TNS4: variants seen among roughly 807,000 people sequenced by gnomAD.
TNS4 encodes the protein tensin 4, also known as tensin-4.
TNS4 carries 46 observed loss-of-function variants against 70.4 expected under a neutral mutation model. The observed-to-expected ratio is 0.65, with a 90% CI of 0.52 to 0.84. TNS4 has a LOEUF of 0.84. TNS4 is among the 40% of genes least tolerant of loss of function. The pLI is 0.00. For synonymous variants in TNS4, 390 were observed against 366.6 expected (o/e 1.06, Z -0.73); for missense variants, 863 against 907.0 (o/e 0.95, Z 0.62).
intron 12 of TNS4, 77 bp from the exon 13 acceptor site, chr17:40,477,806 GC>G: frequency 7.2e-7 from 1 of 1,387,156 alleles, no homozygotes; most frequent in Non-Finnish European, 1.0e-6. Flanking sequence ...GTGGTGGGGG[GC>G]CCTCAGCCTG....
chr17:40,492,478 C>T (rs906061793), intron 2 of TNS4, among the ~76,000 whole-genome samples: 1 of 152,010 alleles, frequency 6.6e-6, no homozygotes. Context: ...AAGTGATTCT[C>T]CCACCTCAGC....
intron 10 of TNS4, 139 bp from the exon 11 acceptor site, chr17:40,478,787 G>T: frequency 1.1e-6 from 1 of 915,540 alleles, no homozygotes; most frequent in Non-Finnish European, 1.7e-6. Context: ...AGACCGCTAT[G>T]GCCTTTCCCA....
chr17:40,488,933 C>T lies in TNS4; in HGVS notation c.476G>A (p.Arg159Lys), dbSNP rs564999260. The T allele has an allele frequency of 6.3e-7, 1 of 1,595,500 alleles. No individual in the cohort carries two copies. Among genetic ancestry groups the T allele is most frequent in the East Asian group, 2.2e-5 (1 of 44,742 alleles). The stretch of plus-strand genomic sequence containing the variant: ...GCAGTGCTGGGGGCCATCGTGGCAC[C>T]TTGATCTGGCGGAGGTCACCTCGAT... ...KYIEVTSARS[R>K]CHDGPQHCSS... Residue 159 changes from arginine to lysine, a missense_variant, in exon 3 of 13, where the codon AGG (arginine) becomes AAG (lysine). Transcript: ENST00000254051.
Position 40,475,916 on chromosome 17 carries a change from A to G in TNS4, c.*1672T>C, listed in dbSNP as rs2035840887. On this transcript the variant is annotated 3_prime_UTR_variant, in exon 13 of 13. Coordinates refer to ENST00000254051, the MANE Select transcript of TNS4 (RefSeq NM_032865.6). ...GGCCTCTGCCAGCCCCCAGGCTGGGACTGGGGCCTGTGACCTTGAGAACCT... is the reference window on the plus strand; with the variant it reads ...GGCCTCTGCCAGCCCCCAGGCTGGGGCTGGGGCCTGTGACCTTGAGAACCT... 6.6e-6 allele frequency: 1 copy of G among 152,238 alleles called. No individual in the cohort carries two copies. The highest frequency in any genetic ancestry group is 1.5e-5 in the Non-Finnish European group (1 of 68,062). The allele number at this position is 152,238 out of a possible 1,614,324, so 9.4% of individuals were successfully genotyped here.
chr17:40,478,653 G>C lies in TNS4; in HGVS notation c.1911-5C>G, dbSNP rs2035881695. ...TAATGGCGCCGGAAAAACACCCTAG[G>C]AGGAGGCGGGGAGAGAAGGGAAGCG... On this transcript the variant is annotated splice_region_variant and splice_polypyrimidine_tract_variant and intron_variant, in intron 10 of 12. Coordinates refer to ENST00000254051, the MANE Select transcript of TNS4 (RefSeq NM_032865.6). 2 of 1,613,872 alleles carry C rather than the reference G, an allele frequency of 1.2e-6. No homozygotes were observed. The highest frequency in any genetic ancestry group is 1.7e-5 in the Admixed American group (1 of 59,994).
intron 3 of TNS4, 125 bp from the exon 4 acceptor site, chr17:40,487,585 C>T (rs1470001848): frequency 7.5e-6 from 7 of 938,772 alleles, no homozygotes; most frequent in Non-Finnish European, 1.1e-5. Flanking sequence ...CTGCATACCC[C>T]ACCCCCTACA....
intron 2 of TNS4, 35 bp from the exon 3 acceptor site, chr17:40,489,004 C>A: frequency 6.6e-7 from 1 of 1,525,838 alleles, no homozygotes; most frequent in South Asian, 1.3e-5. Flanking sequence ...TGGTGAAATG[C>A]AGGAGCCTGG....
Position 40,477,403 on chromosome 17 carries a change from G to A in TNS4, c.*185C>T, listed in dbSNP as rs1169957722. On this transcript the variant is annotated 3_prime_UTR_variant, in exon 13 of 13. Coordinates refer to ENST00000254051, the MANE Select transcript of TNS4 (RefSeq NM_032865.6). Reference sequence around the variant, plus strand: ...ATGATTGAGGAAACTGAGGCCCGGGGGGTCTGGATGATGGTGACTGCTGAA... The same window carrying A: ...ATGATTGAGGAAACTGAGGCCCGGGAGGTCTGGATGATGGTGACTGCTGAA... 1.6e-6 allele frequency: 1 copy of A among 636,056 alleles called. No individual in the cohort carries two copies. The highest frequency in any genetic ancestry group is 2.6e-6 in the Non-Finnish European group (1 of 389,972). 39.4% of individuals were successfully genotyped at this position (636,056 alleles called of 1,614,324 possible).
At chr17:40,497,910 C>T (rs562562729) in intron 1 of TNS4, among the ~76,000 whole-genome samples, 8 of 152,320 alleles carry the variant, frequency 5.3e-5, no homozygotes, top group African/African-American at 1.7e-4. Flanking sequence ...GTCTCAACCT[C>T]CTCATTTTCC....
At chr17:40,490,920 G>A (rs772271315) in intron 2 of TNS4, among the ~76,000 whole-genome samples, 2 of 152,210 alleles carry the variant, frequency 1.3e-5, no homozygotes, top group Non-Finnish European at 2.9e-5. Flanking sequence ...AGGCTCGAGA[G>A]AGGAGCATTT....
Position 40,480,111 on chromosome 17 carries a change from G to A in TNS4, c.1742-269C>T, listed in dbSNP as rs9911023. On this transcript the variant is annotated intron_variant, in intron 9 of 12. Coordinates refer to ENST00000254051, the MANE Select transcript of TNS4 (RefSeq NM_032865.6). ...GGGATGTTGCCCTGTGTGTAGAGGT[G>A]CCCAGGAAAACATCCTTCTGTCCAC... The A allele has an allele frequency of 2.1e-3, 922 of 439,114 alleles. 4 individuals are homozygous for A. The highest frequency in any genetic ancestry group is 0.017 in the African/African-American group (826 of 49,842). 27.2% of individuals were successfully genotyped at this position (439,114 alleles called of 1,614,324 possible).
At chr17:40,477,830 C>T in intron 12 of TNS4, 101 bp from the exon 13 acceptor site, 2 of 1,107,912 alleles carry the variant, frequency 1.8e-6, no homozygotes, top group Non-Finnish European at 2.7e-6. Flanking sequence ...TCTCATTCCT[C>T]CCTGCCCCTC....
At chr17:40,497,231 C>T (rs1451329102) in intron 1 of TNS4, among the ~76,000 whole-genome samples, 1 of 152,036 alleles carries the variant, frequency 6.6e-6, no homozygotes, top group East Asian at 1.9e-4. Context: ...AAGGGACACG[C>T]AAAGGGAGAT....
Position 40,487,581 on chromosome 17 carries a change from A to G in TNS4, c.864-121T>C, listed in dbSNP as rs1046072260. 7.9e-6 allele frequency: 8 copies of G among 1,008,944 alleles called. No homozygotes were observed. In the Admixed American group the frequency reaches 2.2e-4, roughly 28 times the overall value. The allele number at this position is 1,008,944 out of a possible 1,614,324, so 62.5% of individuals were successfully genotyped here. ...TTAAAGGCCAAATAGAACACTGCAT[A>G]CCCCACCCCCTACAGCCCACAGCAA... On this transcript the variant is annotated intron_variant, in intron 3 of 12. Coordinates refer to ENST00000254051, the MANE Select transcript of TNS4 (RefSeq NM_032865.6).
intron 1 of TNS4, among the ~76,000 whole-genome samples, chr17:40,501,220 G>A (rs1022591556): frequency 1.3e-5 from 2 of 152,156 alleles, no homozygotes; most frequent in African/African-American, 4.8e-5. Context: ...GCTAAGGTGG[G>A]AGGATCACCT....
intron 8 of TNS4, 33 bp downstream of exon 8, chr17:40,482,096 C>T (rs774781576): frequency 1.2e-6 from 2 of 1,611,336 alleles, no homozygotes; most frequent in Admixed American, 1.7e-5. Context: ...AGGTCCCCCA[C>T]CTTGGCATTG....
In TNS4 at chr17:40,484,477, C is replaced by G. The variant is rs757603813; in HGVS notation, c.1501+7G>C. ...GGCCTTGAGTGAGCACAGAGACAGACGCATACCTGGTCGACTCTGAGCAGA... is the reference window on the plus strand; with the variant it reads ...GGCCTTGAGTGAGCACAGAGACAGAGGCATACCTGGTCGACTCTGAGCAGA... On this transcript the variant is annotated splice_region_variant and intron_variant, in intron 6 of 12. Transcript: ENST00000254051. The G allele has an allele frequency of 6.2e-7, 1 of 1,608,972 alleles. No homozygotes were observed. The highest frequency in any genetic ancestry group is 1.3e-5 in the African/African-American group (1 of 74,916).
chr17:40,499,508 G>C (rs2036186469), intron 1 of TNS4, among the ~76,000 whole-genome samples: 1 of 152,226 alleles, frequency 6.6e-6, no homozygotes, highest in Non-Finnish European at 1.5e-5. Flanking sequence ...CTAGAGAGGG[G>C]GCATGATTGG....
In TNS4 at chr17:40,483,128, A is replaced by T. The variant is rs535192976; in HGVS notation, c.1502-712T>A. Among the ~76,000 whole-genome samples the T allele has an allele frequency of 3.9e-5, 6 of 152,126 alleles. No individual in the cohort carries two copies. In the South Asian group the frequency reaches 1.2e-3, roughly 32 times the overall value. On this transcript the variant is annotated intron_variant, in intron 6 of 12. Transcript: ENST00000254051. ...CCATGTCGGGCTAATTCTTTTGTAG[A>T]GACAAGGTCTCACTATTTTGCTCAG...
Sources: gnomAD v4.1 joint callset for allele counts (sites outside exome capture counted in the v4.1 genomes callset) on GRCh38, gnomAD v4.1.1 for gene constraint, MANE v1.5 for transcripts, NCBI Gene and HGNC (gene_info 2026-07-23, HGNC 2026-07-21) for gene names.